Variants in SVOP observed in about 807,000 individuals in gnomAD.
The protein encoded by SVOP is SV2 related protein.
SVOP carries 17 observed loss-of-function variants against 69.1 expected under a neutral mutation model. The observed-to-expected ratio is 0.25, with a 90% CI of 0.17 to 0.37. The LOEUF (loss-of-function observed/expected upper bound fraction) is 0.37. SVOP is among the 10% of genes least tolerant of loss of function. SVOP has a pLI of 1.00. For synonymous variants in SVOP, 238 were observed against 238.6 expected (o/e 1.00, Z 0.02); for missense variants, 435 against 597.5 (o/e 0.73, Z 2.84).
chr12:108,988,762 T>C (rs909491889), intron 1 of SVOP, among the ~76,000 whole-genome samples: 4 of 57,200 alleles, frequency 7.0e-5, no homozygotes, highest in African/African-American at 2.1e-4. Flanking sequence ...TTCTTACTTC[T>C]TTTCTCTCTT....
chr12:109,007,241 C>T (rs1426379986), intron 1 of SVOP, among the ~76,000 whole-genome samples: 2 of 152,186 alleles, frequency 1.3e-5, no homozygotes, highest in African/African-American at 4.8e-5. Flanking sequence ...GAATCTGAAA[C>T]TTATCAACAA....
At position 108,909,251 on chromosome 12, in the gene SVOP, T is replaced by C. The variant is rs1278946866; in HGVS notation, c.*3284A>G. On this transcript the variant is annotated 3_prime_UTR_variant, in exon 16 of 16. Transcript: ENST00000610966. ...ATTGACTGAGATTACTGTTCTTAGGTTGGTGCAAAAGTAATTGCATTTGGG... is the reference window on the plus strand; with the variant it reads ...ATTGACTGAGATTACTGTTCTTAGGCTGGTGCAAAAGTAATTGCATTTGGG... 1 of 152,202 alleles carries C rather than the reference T, an allele frequency of 6.6e-6. No individual in the cohort carries two copies. Among genetic ancestry groups the C allele is most frequent in the Non-Finnish European group, 1.5e-5 (1 of 68,068 alleles). The allele number at this position is 152,202 out of a possible 1,614,324, so 9.4% of individuals were successfully genotyped here. A position where few individuals can be genotyped will look rare whatever the true frequency, so the allele number is the denominator to read the frequency against.
Position 108,907,829 on chromosome 12 carries a change from T to G in SVOP, c.*4706A>C, listed in dbSNP as rs1299010365. On this transcript the variant is annotated 3_prime_UTR_variant, in exon 16 of 16. Coordinates refer to ENST00000610966, the MANE Select transcript of SVOP (RefSeq NM_018711.5). ...TGTCCAGGACATGCTGGATATTCCA[T>G]GCATACTGACCACTTGCCACGTTAT... 6.6e-6 allele frequency: 1 copy of G among 152,278 alleles called. No individual in the cohort carries two copies. The highest frequency in any genetic ancestry group is 1.9e-4 in the East Asian group (1 of 5,206). The allele number at this position is 152,278 out of a possible 1,614,324, so 9.4% of individuals were successfully genotyped here.
At chr12:108,934,320 G>A (rs747089892) in intron 10 of SVOP, 49 bp from the exon 11 acceptor site, 3 of 1,508,674 alleles carry the variant, frequency 2.0e-6, no homozygotes, top group African/African-American at 2.8e-5. Flanking sequence ...AGGAACACCA[G>A]TCCCCTTTCC....
At chr12:108,919,459 A>G (rs1566047065) in intron 13 of SVOP, among the ~76,000 whole-genome samples, 2 of 151,372 alleles carry the variant, frequency 1.3e-5, no homozygotes, top group Admixed American at 1.3e-4. Context: ...GTCTATACAC[A>G]CACCTGGGTC....
At chr12:108,924,984 C>T (rs1053072483) in intron 11 of SVOP, among the ~76,000 whole-genome samples, 1 of 152,052 alleles carries the variant, frequency 6.6e-6, no homozygotes, top group Non-Finnish European at 1.5e-5. Flanking sequence ...AACACTCCTT[C>T]CTGCTGACCT....
At chr12:108,934,101 T>C in intron 11 of SVOP, 94 bp downstream of exon 11, 1 of 1,137,344 alleles carries the variant, frequency 8.8e-7, no homozygotes, top group Non-Finnish European at 1.3e-6. Flanking sequence ...GCCAATCCCT[T>C]AAGGGCAGAG....
chr12:108,950,504 T>A (rs188591351), intron 6 of SVOP, among the ~76,000 whole-genome samples: 3 of 152,318 alleles, frequency 2.0e-5, no homozygotes. Flanking sequence ...CACCTCAGCG[T>A]CCTGAGTAGC....
intron 8 of SVOP, 43 bp from the exon 9 acceptor site, chr12:108,938,998 G>T (rs1369098952): frequency 1.9e-6 from 3 of 1,613,270 alleles, no homozygotes; most frequent in Non-Finnish European, 2.5e-6. Flanking sequence ...GCTGGTTAGG[G>T]TGGAACAGAG....
intron 12 of SVOP, among the ~76,000 whole-genome samples, chr12:108,921,506 C>T (rs775954605): frequency 4.6e-5 from 7 of 151,808 alleles, no homozygotes; most frequent in Non-Finnish European, 1.0e-4. Context: ...CAAGCAGTTG[C>T]CCACTACTGT....
intron 6 of SVOP, among the ~76,000 whole-genome samples, chr12:108,958,616 C>A (rs1332351350): frequency 1.3e-5 from 2 of 152,160 alleles, no homozygotes; most frequent in Non-Finnish European, 2.9e-5. Context: ...TGGGTCCACC[C>A]TGGACTGTGG....
intron 5 of SVOP, among the ~76,000 whole-genome samples, chr12:108,969,030 G>A (rs1039957691): frequency 6.6e-6 from 1 of 152,046 alleles, no homozygotes; most frequent in Non-Finnish European, 1.5e-5. Flanking sequence ...CTGAGCTCAG[G>A]TGATCTGTCC....
At chr12:109,017,089 C>T (rs2040371533) in intron 1 of SVOP, among the ~76,000 whole-genome samples, 1 of 152,146 alleles carries the variant, frequency 6.6e-6, no homozygotes, top group Admixed American at 6.5e-5. Context: ...ATGTCCTAGA[C>T]CAGGGGTCCC....
At chr12:108,982,451 A>G (rs1363273472) in intron 2 of SVOP, among the ~76,000 whole-genome samples, 2 of 149,568 alleles carry the variant, frequency 1.3e-5, no homozygotes, top group African/African-American at 5.0e-5. Context: ...CATCATCACC[A>G]TAATCATCAC....
chr12:108,975,856 A>G (rs959067758), intron 4 of SVOP, among the ~76,000 whole-genome samples: 52 of 152,068 alleles, frequency 3.4e-4, no homozygotes, highest in Admixed American at 2.4e-3. Context: ...ACGCGCCACC[A>G]TGCCCAGTCA....
At chr12:109,017,386 G>A (rs2040372939) in intron 1 of SVOP, among the ~76,000 whole-genome samples, 1 of 151,148 alleles carries the variant, frequency 6.6e-6, no homozygotes, top group South Asian at 2.1e-4. Context: ...TGGAAAAATT[G>A]TCTTCCAAGA....
At chr12:108,974,186 A>G (rs143168395) in intron 4 of SVOP, among the ~76,000 whole-genome samples, 101,618 of 151,808 alleles carry the variant, frequency 0.67, 34,500 homozygotes, top group East Asian at 0.79. Flanking sequence ...AAAGTGACAA[A>G]TAGGAACAGA....
At chr12:108,931,140 A>C (rs2039815385) in intron 11 of SVOP, among the ~76,000 whole-genome samples, 1 of 152,206 alleles carries the variant, frequency 6.6e-6, no homozygotes, top group Admixed American at 6.5e-5. Flanking sequence ...AAAGCACATC[A>C]GCAGAGCATT....
At chr12:108,924,176 T>C (rs1188757558) in intron 11 of SVOP, among the ~76,000 whole-genome samples, 1 of 152,184 alleles carries the variant, frequency 6.6e-6, no homozygotes, top group Non-Finnish European at 1.5e-5. Flanking sequence ...ATGCTGTCTA[T>C]AAAGCAGAGA....
Sources: allele counts gnomAD v4.1 joint callset (sites outside exome capture counted in the v4.1 genomes callset), GRCh38; gene constraint gnomAD v4.1.1; transcripts MANE v1.5; gene names NCBI Gene and HGNC (gene_info 2026-07-23, HGNC 2026-07-21).